The following ITSN2 variants were observed in gnomAD, a reference collection of about 807,000 sequenced individuals.
The protein encoded by ITSN2 is intersectin-2.
A neutral mutation model predicts 243.7 loss-of-function variants in ITSN2; 156 were observed. That is an observed-to-expected ratio of 0.64 (90% CI 0.56 to 0.73). The LOEUF (loss-of-function observed/expected upper bound fraction) is 0.73, where lower values mean the gene tolerates loss of function less well. Ranked by LOEUF, ITSN2 falls within the 30% of genes least tolerant of loss-of-function variation. The probability of loss-of-function intolerance (pLI) is 0.00; values close to 1 mark genes in which losing one functional copy is unlikely to be tolerated. For missense variants in ITSN2, 1,801 were observed against 1,996.1 expected (o/e 0.90, Z 1.86); for synonymous variants, 703 against 699.9 (o/e 1.00, Z -0.07).
Position 24,271,949 on chromosome 2 carries a change from T to C in ITSN2, c.2082-8A>G. Reference sequence around the variant, plus strand: ...TTTCCTTGCTTTGCTTTCCTTTACATAAAAGAAAAAGAGTTTGTATAATGT... The same window carrying C: ...TTTCCTTGCTTTGCTTTCCTTTACACAAAAGAAAAAGAGTTTGTATAATGT... On this transcript the variant is annotated splice_region_variant and splice_polypyrimidine_tract_variant and intron_variant, in intron 18 of 39. Transcript: ENST00000355123. The C allele has an allele frequency of 1.4e-6, 2 of 1,464,722 alleles. No individual in the cohort carries two copies. Among genetic ancestry groups the C allele is most frequent in the Non-Finnish European group, 1.8e-6 (2 of 1,091,340 alleles). 90.7% of individuals were successfully genotyped at this position (1,464,722 alleles called of 1,614,324 possible).
At chr2:24,229,743 C>T (rs183710533) in intron 29 of ITSN2, among the ~76,000 whole-genome samples, 1 of 152,250 alleles carries the variant, frequency 6.6e-6, no homozygotes, top group East Asian at 1.9e-4. Context: ...TCCTAATCTC[C>T]CCAGGTAGCC....
chr2:24,250,010 G>A (rs570957922), intron 25 of ITSN2, among the ~76,000 whole-genome samples: 1 of 152,108 alleles, frequency 6.6e-6, no homozygotes, highest in East Asian at 1.9e-4. Flanking sequence ...GTTCTTCACC[G>A]CCATGCACTC....
At chr2:24,327,998 C>CA (rs60863260) in intron 2 of ITSN2, 54 bp downstream of exon 2, 267 of 1,246,348 alleles carry the variant, frequency 2.1e-4, no homozygotes, top group Middle Eastern at 8.1e-4. Context: ...AAACCTCTAC[C>CA]AAAAAAAAAA....
chr2:24,209,730 G>T, intron 35 of ITSN2, 88 bp downstream of exon 35: 1 of 1,050,240 alleles, frequency 9.5e-7, no homozygotes. Context: ...GTCCCGTAAG[G>T]CCAGCTCAGG....
chr2:24,309,152 A>C (rs554026818), intron 7 of ITSN2, among the ~76,000 whole-genome samples: 5 of 152,366 alleles, frequency 3.3e-5, no homozygotes, highest in Non-Finnish European at 5.9e-5. Context: ...GGTACCAAAA[A>C]GGTTGAGGAT....
At chr2:24,284,576 C>G (rs1558551395) in intron 17 of ITSN2, among the ~76,000 whole-genome samples, 187 bp downstream of exon 17, 1 of 152,082 alleles carries the variant, frequency 6.6e-6, no homozygotes, top group Non-Finnish European at 1.5e-5. Flanking sequence ...TTACTGACTT[C>G]TGGCATTAGA....
At chr2:24,220,041 T>C (rs572860414) in intron 30 of ITSN2, among the ~76,000 whole-genome samples, 4 of 151,802 alleles carry the variant, frequency 2.6e-5, no homozygotes, top group Non-Finnish European at 4.4e-5. Flanking sequence ...ATAGTTTGCA[T>C]GGGAGGGGAA....
intron 1 of ITSN2, chr2:24,334,717 G>C: frequency 6.3e-7 from 1 of 1,586,094 alleles, no homozygotes; most frequent in East Asian, 2.2e-5. Context: ...TTGTGCTAAG[G>C]CTTGAGTGCG....
At chr2:24,337,463 G>A (rs1686576779) in intron 1 of ITSN2, among the ~76,000 whole-genome samples, 1 of 147,666 alleles carries the variant, frequency 6.8e-6, no homozygotes, top group Admixed American at 6.8e-5. Context: ...TGATTCTCCT[G>A]CCTCAGCCTC....
chr2:24,230,740 C>A (rs1181150763), intron 29 of ITSN2, among the ~76,000 whole-genome samples: 2 of 152,030 alleles, frequency 1.3e-5, no homozygotes. Context: ...TGCACTCCAG[C>A]CTGGGCGACA....
At position 24,309,163 on chromosome 2, in the gene ITSN2, C is replaced by T. The variant is rs112623595; in HGVS notation, c.654-407G>A. On this transcript the variant is annotated intron_variant, in intron 7 of 39. Coordinates refer to ENST00000355123, the MANE Select transcript of ITSN2 (RefSeq NM_006277.3). ...CCCTGGTACCAAAAAGGTTGAGGATCGCTGTTACATACTATAATGGTGACT... is the reference window on the plus strand; with the variant it reads ...CCCTGGTACCAAAAAGGTTGAGGATTGCTGTTACATACTATAATGGTGACT... 3.7e-3 allele frequency among the ~76,000 whole-genome samples: 570 copies of T among 152,314 alleles called. 4 individuals are homozygous for T. Among genetic ancestry groups the T allele is most frequent in the Non-Finnish European group, 6.4e-3 (437 of 68,022 alleles).
chr2:24,315,622 G>C (rs980447538), intron 2 of ITSN2, among the ~76,000 whole-genome samples: 2 of 152,172 alleles, frequency 1.3e-5, no homozygotes, highest in Non-Finnish European at 1.5e-5. Context: ...ACCTCATTTC[G>C]AACTGTAATC....
At chr2:24,354,398 A>C (rs1297904944) in intron 1 of ITSN2, among the ~76,000 whole-genome samples, 3 of 152,236 alleles carry the variant, frequency 2.0e-5, no homozygotes, top group Admixed American at 6.5e-5. Flanking sequence ...ATTAAGGGCA[A>C]AAGGCTAATT....
rs1280573093 is a variant in ITSN2, at chr2:24,315,205, A to G, written c.51T>C (p.Ala17=). Reference sequence around the variant, plus strand: ...GCTTAGTACGTTCTTCAGAGGTAATAGCCCACATGTTTGGCCCTCCTGAAA... The same window carrying G: ...GCTTAGTACGTTCTTCAGAGGTAATGGCCCACATGTTTGGCCCTCCTGAAA... ...TAMNGGPNMW[A]ITSEERTKHD... Residue 17 remains alanine (A), a synonymous_variant, in exon 3 of 40, where the codon GCT becomes GCC. Coordinates refer to ENST00000355123, the MANE Select transcript of ITSN2 (RefSeq NM_006277.3). 10 of 1,611,556 alleles carry G rather than the reference A, an allele frequency of 6.2e-6. No individual in the cohort carries two copies. The highest frequency in any genetic ancestry group is 8.5e-6 in the Non-Finnish European group (10 of 1,178,062).
chr2:24,246,660 C>T, intron 28 of ITSN2, 137 bp downstream of exon 28: 1 of 613,312 alleles, frequency 1.6e-6, no homozygotes, highest in Non-Finnish European at 2.8e-6. Context: ...AGGAAATTCT[C>T]AGTGGCATGT....
At chr2:24,251,068 T>C (rs1338466385) in intron 25 of ITSN2, among the ~76,000 whole-genome samples, 2 of 151,498 alleles carry the variant, frequency 1.3e-5, no homozygotes, top group Non-Finnish European at 1.5e-5. Flanking sequence ...CTCATGCCTG[T>C]AATCCCAGCA....
At chr2:24,267,544 C>T (rs4268898) in intron 20 of ITSN2, among the ~76,000 whole-genome samples, 96,861 of 151,872 alleles carry the variant, frequency 0.64, 31,349 homozygotes, top group East Asian at 0.77. Context: ...CCTTCACTGA[C>T]GGACTTGGCT....
chr2:24,216,098 A>C lies in ITSN2; in HGVS notation c.3941T>G (p.Leu1314Arg), dbSNP rs149888722. The change falls in exon 32 of 40, where the codon CTG (leucine) becomes CGG (arginine). Residue 1314 changes from leucine (L) to arginine (R), a missense_variant. Physicochemically the swap from Leu to Arg is moderately radical, Grantham distance 102. Around this residue, in one of 5 missense-constraint regions of ITSN2, gnomAD observed 928 missense variants for 1,065.4 expected, o/e 0.87. Coordinates refer to ENST00000355123, the MANE Select transcript of ITSN2 (RefSeq NM_006277.3). ...FCSCQLNGAA[L>R]LQQKTDEDTD... ...GTCTTCATCTGTCTTCTGCTGTAAC[A>C]GAGCTGCTCCATTAAGCTGGCAGCT... The C allele has an allele frequency of 4.6e-5, 74 of 1,611,828 alleles. No individual in the cohort carries two copies. The highest frequency in any genetic ancestry group is 1.7e-4 in the Middle Eastern group (1 of 6,054).
rs774747288 is a variant in ITSN2 at position 24,271,848 on chromosome 2, T to G, written c.2175A>C (p.Gln725His). ...TCCGTTCCTCTTCTTGAATTTTTTC[T>G]TGTGTTTTTTCTTCCTGGAGTCGCT... ...KQKRLQEEKT[Q>H]EKIQEEERKA... Residue 725 changes from glutamine to histidine, a missense_variant, in exon 19 of 40, where the codon CAA becomes CAC. By Grantham distance (24) the Gln-to-His change is conservative. Around this residue, in one of 5 missense-constraint regions of ITSN2, gnomAD observed 787 missense variants for 803.9 expected, o/e 0.98. Coordinates refer to ENST00000355123, the MANE Select transcript of ITSN2 (RefSeq NM_006277.3). 4 of 1,610,960 alleles carry G rather than the reference T, an allele frequency of 2.5e-6. No homozygotes were observed. Among genetic ancestry groups the G allele is most frequent in the Middle Eastern group, 3.3e-4 (2 of 5,986 alleles).
Sources: allele counts gnomAD v4.1 joint callset (sites outside exome capture counted in the v4.1 genomes callset), GRCh38; gene constraint gnomAD v4.1.1; regional missense constraint gnomAD v4.1.1; transcripts MANE v1.5; gene names NCBI Gene and HGNC (gene_info 2026-07-23, HGNC 2026-07-21).